The following CES2 variants were observed in gnomAD, a reference collection of about 807,000 sequenced individuals.
CES2 encodes carboxylesterase 2, also known as cocaine esterase.
CES2 carries 42 observed loss-of-function variants against 52.1 expected under a neutral mutation model. That is an observed-to-expected ratio of 0.81 (90% CI 0.63 to 1.04). The LOEUF (loss-of-function observed/expected upper bound fraction) is 1.04, where lower values mean the gene tolerates loss of function less well. Among genes scored for constraint, CES2 ranks in the 50% least tolerant of loss-of-function variants. The pLI, the probability that CES2 is intolerant of heterozygous loss-of-function variation, is 0.00. For missense variants in CES2, 656 were observed against 724.3 expected, an observed-to-expected ratio of 0.91 and a Z score of 1.08; for synonymous variants, 277 against 289.6, an observed-to-expected ratio of 0.96 and a Z score of 0.44.
chr16:66,940,089 C>T lies in CES2; in HGVS notation c.424-133C>T, dbSNP rs1305331509. 2.4e-6 allele frequency: 3 copies of T among 1,263,432 alleles called. No homozygotes were observed. The East Asian group carries it at 7.2e-5, about 30-fold the overall frequency. The allele number at this position is 1,263,432 out of a possible 1,614,324, so 78.3% of individuals were successfully genotyped here. A position where few individuals can be genotyped will look rare whatever the true frequency, so the allele number is the denominator to read the frequency against. ...TAGATCTTGGGTGCCTAACCATTTG[C>T]CCATGTAATGAATTTGTGCTGGAGA... On this transcript the variant is annotated intron_variant, in intron 3 of 11. Transcript: ENST00000317091.
At position 66,943,901 on chromosome 16, in the gene CES2, A is replaced by C; in HGVS notation, c.1556A>C (p.Gln519Pro). 4 of 1,610,358 alleles carry C rather than the reference A, an allele frequency of 2.5e-6. No individual in the cohort carries two copies. Among genetic ancestry groups the C allele is most frequent in the Non-Finnish European group, 3.4e-6 (4 of 1,177,318 alleles). ...TTCGACCAGGAGGAGCAATACCTGC[A>C]GCTGAACCTACAGCCTGCGGTGGGC... is the stretch of plus-strand genomic sequence containing the variant. ...PLFDQEEQYL[Q>P]LNLQPAVGRA... Residue 519 changes from glutamine (Q) to proline (P), a missense_variant, in exon 12 of 12, where the codon CAG becomes CCG. Physicochemically the swap from Gln to Pro is moderately conservative, Grantham distance 76. Transcript: ENST00000317091. The surrounding 1 kb of genome is among the most constrained non-coding windows in gnomAD (Gnocchi z 4.2).
At chr16:66,935,836 G>A in intron 1 of CES2, 125 bp downstream of exon 1, 1 of 1,562,402 alleles carries the variant, frequency 6.4e-7, no homozygotes, top group Non-Finnish European at 8.6e-7. Flanking sequence ...TGACAGCGTG[G>A]AACTCGTGAG....
chr16:66,938,378 C>A, intron 2 of CES2, 137 bp downstream of exon 2: 1 of 667,112 alleles, frequency 1.5e-6, no homozygotes. Context: ...TGGATTCCCA[C>A]GTGCATTTTT....
chr16:66,937,333 T>C (rs985054100), intron 1 of CES2, among the ~76,000 whole-genome samples: 1 of 152,176 alleles, frequency 6.6e-6, no homozygotes, highest in African/African-American at 2.4e-5. Flanking sequence ...TGGCCCACAC[T>C]GGAAACTGCT....
At chr16:66,938,366 C>T (rs999733431) in intron 2 of CES2, 125 bp downstream of exon 2, 14 of 706,794 alleles carry the variant, frequency 2.0e-5, no homozygotes, top group African/African-American at 1.4e-4. Flanking sequence ...TTCTGAGTTT[C>T]GTGGATTCCC....
rs181856582 is a variant in CES2, at chr16:66,942,434, C to T, written c.1282+185C>T. On this transcript the variant is annotated intron_variant, in intron 9 of 11. Coordinates refer to ENST00000317091, the MANE Select transcript of CES2 (RefSeq NM_001365405.1). ...TCCGACATTTCCCCCATTTCACAGA[C>T]GAGCAAATTGAAGTTAGGGACCTTC... 1.5e-4 allele frequency: 123 copies of T among 822,054 alleles called. 1 individual carries two copies. Among genetic ancestry groups the T allele is most frequent in the East Asian group, 1.1e-3 (41 of 37,356 alleles). The allele number at this position is 822,054 out of a possible 1,614,324, so 50.9% of individuals were successfully genotyped here.
At chr16:66,937,996 T>C in intron 1 of CES2, 41 bp from the exon 2 acceptor site, 2 of 1,559,588 alleles carry the variant, frequency 1.3e-6, no homozygotes, top group South Asian at 1.1e-5. Flanking sequence ...GGGCAGTCGA[T>C]TGGTCAAACC....
intron 1 of CES2, among the ~76,000 whole-genome samples, chr16:66,937,566 CT>C (rs1457733221): frequency 3.3e-5 from 5 of 152,168 alleles, no homozygotes; most frequent in African/African-American, 1.2e-4. Flanking sequence ...AGTCACTGTG[CT>C]TTTTATATCC....
Position 66,942,146 on chromosome 16 carries a change from C to T in CES2, c.1179C>T (p.Tyr393=), listed in dbSNP as rs1963382445. 5 of 1,613,362 alleles carry T rather than the reference C, an allele frequency of 3.1e-6. No homozygotes were observed. The highest frequency in any genetic ancestry group is 4.2e-6 in the Non-Finnish European group (5 of 1,179,444). Residue 393 remains tyrosine, a synonymous_variant, in exon 9 of 12, where the codon TAC becomes TAT. Transcript: ENST00000317091. ...TTGGTGACCTGCTGAGGGAGGAGTA[C>T]ATTGGGGACAATGGGGATCCCCAGA... ...PTFGDLLREE[Y]IGDNGDPQTL...
At position 66,940,221 on chromosome 16, in the gene CES2, G is replaced by A; in HGVS notation, c.424-1G>A. 6.2e-7 allele frequency: 1 copy of A among 1,613,862 alleles called. No individual in the cohort carries two copies. Among genetic ancestry groups the A allele is most frequent in the South Asian group, 1.1e-5 (1 of 91,052 alleles). On this transcript the variant is annotated splice_acceptor_variant, in intron 3 of 11. Coordinates refer to ENST00000317091, the MANE Select transcript of CES2 (RefSeq NM_001365405.1). LOFTEE classifies it high-confidence loss of function. ...CATGGTAGCTGCCTTGATTTCCCCA[G>A]GTGATGGTGTGGATCCACGGTGGTG...
chr16:66,935,355 G>A, upstream of CES2: 1 of 1,371,928 alleles, frequency 7.3e-7, no homozygotes, highest in Non-Finnish European at 1.0e-6. Flanking sequence ...TGCAGGAATG[G>A]CACAGCCCCT....
rs1963371280 is a variant in CES2 at position 66,941,769 on chromosome 16, T to A, written c.1058T>A (p.Val353Asp). ...NNEFGWLIPK[V>D]MRIYDTQKEM... The stretch of plus-strand genomic sequence containing the variant: ...ACAGACTCTCTCCTGGCCATCCAGG[T>A]CATGAGGATCTATGATACCCAGAAG... The change falls in exon 8 of 12, where the codon GTC becomes GAC. Residue 353 changes from valine to aspartate, a missense_variant and splice_region_variant. Physicochemically the swap from Val to Asp is radical, Grantham distance 152. Transcript: ENST00000317091. 1 of 1,613,926 alleles carries A rather than the reference T, an allele frequency of 6.2e-7. No homozygotes were observed.
rs911062504 is a variant in CES2 at position 66,944,574 on chromosome 16, C to T, written c.*549C>T. On this transcript the variant is annotated 3_prime_UTR_variant, in exon 12 of 12. Transcript: ENST00000317091. ...CCAGCCTGCCCAACGTGGTGAAACC[C>T]CATCTCTATGAAAAATACAAAAATC... The T allele has an allele frequency of 6.6e-6, 1 of 152,102 alleles. No individual in the cohort carries two copies. The highest frequency in any genetic ancestry group is 2.4e-5 in the African/African-American group (1 of 41,410). The allele number at this position is 152,102 out of a possible 1,614,324, so 9.4% of individuals were successfully genotyped here. A position where few individuals can be genotyped will look rare whatever the true frequency, so the allele number is the denominator to read the frequency against.
chr16:66,942,500 C>G, intron 9 of CES2, 148 bp from the exon 10 acceptor site: 1 of 921,186 alleles, frequency 1.1e-6, no homozygotes, highest in South Asian at 1.8e-5. Context: ...ATCGCAAGTC[C>G]TTTCCTCTAT....
Position 66,943,757 on chromosome 16 carries a change from A to G in CES2, c.1494-82A>G. ...CTGGCCTGCTTGGCTGCCTTGCCTG[A>G]CCAGACTCAGGGTGCTCAGGTCTGG... On this transcript the variant is annotated intron_variant, in intron 11 of 11. Coordinates refer to ENST00000317091, the MANE Select transcript of CES2 (RefSeq NM_001365405.1). This position sits in a 1 kb window ranked among gnomAD's most constrained non-coding sequence, Gnocchi z 4.2. 1 of 1,228,360 alleles carries G rather than the reference A, an allele frequency of 8.1e-7. No homozygotes were observed. The highest frequency in any genetic ancestry group is 1.1e-6 in the Non-Finnish European group (1 of 882,230). 76.1% of individuals were successfully genotyped at this position (1,228,360 alleles called of 1,614,324 possible).
Position 66,939,262 on chromosome 16 carries a change from G to A in CES2, c.327G>A (p.Gln109=). Residue 109 remains glutamine (Q), a synonymous_variant, in exon 3 of 12, where the codon CAG becomes CAA. Coordinates refer to ENST00000317091, the MANE Select transcript of CES2 (RefSeq NM_001365405.1). ...CAGTGGAGTCAGAGTTTCTTAGCCAGTTCAACATGACCTTCCCTTCCGACT... is the reference window on the plus strand; with the variant it reads ...CAGTGGAGTCAGAGTTTCTTAGCCAATTCAACATGACCTTCCCTTCCGACT... ...LTAVESEFLS[Q]FNMTFPSDSM... The A allele has an allele frequency of 1.2e-6, 2 of 1,613,906 alleles. No homozygotes were observed. Among genetic ancestry groups the A allele is most frequent in the Non-Finnish European group, 1.7e-6 (2 of 1,179,868 alleles).
At position 66,943,746 on chromosome 16, in the gene CES2, T is replaced by G; in HGVS notation, c.1494-93T>G. 9.3e-7 allele frequency: 1 copy of G among 1,076,802 alleles called. No homozygotes were observed. Among genetic ancestry groups the G allele is most frequent in the Admixed American group, 2.4e-5 (1 of 41,838 alleles). The allele number at this position is 1,076,802 out of a possible 1,614,324, so 66.7% of individuals were successfully genotyped here. A position where few individuals can be genotyped will look rare whatever the true frequency, so the allele number is the denominator to read the frequency against. On this transcript the variant is annotated intron_variant, in intron 11 of 11. Coordinates refer to ENST00000317091, the MANE Select transcript of CES2 (RefSeq NM_001365405.1). The surrounding 1 kb of genome is among the most constrained non-coding windows in gnomAD (Gnocchi z 4.2). The stretch of plus-strand genomic sequence containing the variant: ...CCCAAGCCCACCTGGCCTGCTTGGC[T>G]GCCTTGCCTGACCAGACTCAGGGTG...
At chr16:66,942,422 C>T in intron 9 of CES2, 173 bp downstream of exon 9, 1 of 843,188 alleles carries the variant, frequency 1.2e-6, no homozygotes. Flanking sequence ...GACATTTCCC[C>T]CATTTCACAG....
rs1390545638 is a variant in CES2, at chr16:66,944,924, C to G, written c.*899C>G. 6.6e-6 allele frequency: 1 copy of G among 152,200 alleles called. No homozygotes were observed. Among genetic ancestry groups the G allele is most frequent in the East Asian group, 1.9e-4 (1 of 5,178 alleles). 9.4% of individuals were successfully genotyped at this position (152,200 alleles called of 1,614,324 possible). A position where few individuals can be genotyped will look rare whatever the true frequency, so the allele number is the denominator to read the frequency against. On this transcript the variant is annotated 3_prime_UTR_variant, in exon 12 of 12. Transcript: ENST00000317091. ...CCCACTGAGCCCTGGGCCCCCTCCT[C>G]CCTTCCTCACCTCCACCTTCTCCCT...
Sources: gnomAD v4.1 joint callset for allele counts (sites outside exome capture counted in the v4.1 genomes callset) on GRCh38, gnomAD v4.1.1 for gene constraint, Gnocchi (gnomAD v3.1) non-coding constraint, MANE v1.5 for transcripts, NCBI Gene and HGNC (gene_info 2026-07-23, HGNC 2026-07-21) for gene names.